The following PWWP3B variants were observed in gnomAD, a reference collection of about 807,000 sequenced individuals.
The protein encoded by PWWP3B is PWWP domain containing 3B.
PWWP3B carries 5 observed loss-of-function variants against 15.7 expected under a neutral mutation model. The observed-to-expected ratio is 0.32, with a 90% CI of 0.17 to 0.67. The LOEUF is 0.67. Among genes scored for constraint, PWWP3B ranks in the 30% least tolerant of loss-of-function variants. PWWP3B has a pLI of 0.74. For synonymous variants in PWWP3B, 203 were observed against 179.8 expected, an observed-to-expected ratio of 1.13 and a Z score of -1.03; for missense variants, 519 against 493.1, an observed-to-expected ratio of 1.05 and a Z score of -0.50.
intron 2 of PWWP3B, among the ~76,000 whole-genome samples, chrX:106,179,612 G>A (rs1286255785): frequency 9.0e-6 from 1 of 111,585 alleles, no homozygotes; most frequent in Non-Finnish European, 1.9e-5. Context: ...CTGAGAAACA[G>A]TGGAACCACA....
chrX:106,199,574 ACT>A (rs1923578934), intron 2 of PWWP3B, among the ~76,000 whole-genome samples: 1 of 110,203 alleles, frequency 9.1e-6, no homozygotes, highest in Non-Finnish European at 1.9e-5. Flanking sequence ...GGCTGCCTGA[ACT>A]CTCTATCATG....
chrX:106,198,367 C>G (rs1376141488), intron 2 of PWWP3B, among the ~76,000 whole-genome samples: 2 of 111,493 alleles, frequency 1.8e-5, no homozygotes, highest in East Asian at 5.7e-4. Context: ...TAAACACACC[C>G]TAGATGACCC....
At chrX:106,192,155 T>C (rs1234491632) in intron 2 of PWWP3B, among the ~76,000 whole-genome samples, 1 of 111,902 alleles carries the variant, frequency 8.9e-6, no homozygotes, top group Non-Finnish European at 1.9e-5. Flanking sequence ...AATTTGGCTG[T>C]GAATCCATCA....
chrX:106,207,379 T>G lies in PWWP3B; in HGVS notation c.1947T>G (p.Ile649Met), dbSNP rs1336338493. 8.5e-7 allele frequency: 1 copy of G among 1,176,542 alleles called. No homozygotes were observed. The highest frequency in any genetic ancestry group is 2.5e-5 in the Admixed American group (1 of 40,023). Reference protein sequence around the residue: ...VLLPEAIICSISAVDGLDYEA... With the variant: ...VLLPEAIICSMSAVDGLDYEA... ...TGCCAGAAGCAATTATTTGTTCAAT[T>G]TCTGCTGTTGATGGGTTAGATTACG... The change falls in exon 4 of 4, where the codon ATT becomes ATG. Residue 649 changes from isoleucine to methionine, a missense_variant. Transcript: ENST00000357175.
At chrX:106,179,849 C>T (rs1922095281) in intron 2 of PWWP3B, among the ~76,000 whole-genome samples, 1 of 112,091 alleles carries the variant, frequency 8.9e-6, no homozygotes, top group African/African-American at 3.2e-5. Context: ...GCCACAGATT[C>T]TAATGTTGGG....
At chrX:106,190,245 A>G (rs1256851711) in intron 2 of PWWP3B, among the ~76,000 whole-genome samples, 6 of 112,001 alleles carry the variant, frequency 5.4e-5, no homozygotes, top group Admixed American at 2.8e-4. Flanking sequence ...TCTAACTGGT[A>G]TGAGATGGTA....
intron 2 of PWWP3B, among the ~76,000 whole-genome samples, chrX:106,192,162 A>C (rs919373394): frequency 9.0e-6 from 1 of 111,603 alleles, no homozygotes; most frequent in Non-Finnish European, 1.9e-5. Context: ...CTGTGAATCC[A>C]TCAGGTCCTG....
intron 2 of PWWP3B, among the ~76,000 whole-genome samples, chrX:106,197,393 A>T (rs1424798107): frequency 7.2e-5 from 8 of 111,453 alleles, no homozygotes; most frequent in Non-Finnish European, 1.5e-4. Flanking sequence ...CACCAGAAGC[A>T]AGGGATTTTT....
At chrX:106,198,128 C>T (rs751704550) in intron 2 of PWWP3B, among the ~76,000 whole-genome samples, 4 of 111,507 alleles carry the variant, frequency 3.6e-5, no homozygotes, top group Non-Finnish European at 7.5e-5. Flanking sequence ...GTATAATACA[C>T]TATACTTGAC....
intron 2 of PWWP3B, among the ~76,000 whole-genome samples, chrX:106,194,759 A>G (rs1261360667): frequency 8.9e-6 from 1 of 111,996 alleles, no homozygotes; most frequent in Non-Finnish European, 1.9e-5. Context: ...TCCTTCTAAC[A>G]GACAGGACCC....
rs1232682590 is a variant in PWWP3B at position 106,206,715 on chromosome X, A to G, written c.1283A>G (p.Asn428Ser). ...RKASVLFVEA[N>S]MNSEKKGIRV... is the part of the protein sequence containing the mutation. Reference sequence around the variant, plus strand: ...GCAAGTGTGCTTTTTGTTGAGGCAAACATGAATTCTGAAAAGAAGGGCATT... The same window carrying G: ...GCAAGTGTGCTTTTTGTTGAGGCAAGCATGAATTCTGAAAAGAAGGGCATT... The change falls in exon 4 of 4, where the codon AAC becomes AGC. Residue 428 changes from asparagine to serine, a missense_variant. Physicochemically the swap from Asn to Ser is conservative, Grantham distance 46 (BLOSUM62 1). Transcript: ENST00000357175. The G allele has an allele frequency of 8.3e-7, 1 of 1,209,654 alleles. No homozygotes were observed. The highest frequency in any genetic ancestry group is 1.1e-6 in the Non-Finnish European group (1 of 894,616).
At chrX:106,179,061 G>T (rs375591692) in intron 2 of PWWP3B, among the ~76,000 whole-genome samples, 99 of 111,945 alleles carry the variant, frequency 8.8e-4, no homozygotes, top group African/African-American at 2.6e-3. Flanking sequence ...ACAAGATGGT[G>T]CTTGCAAGAT....
At chrX:106,182,482 A>G (rs1210875704) in intron 2 of PWWP3B, among the ~76,000 whole-genome samples, 1 of 111,391 alleles carries the variant, frequency 9.0e-6, no homozygotes, top group Non-Finnish European at 1.9e-5. Context: ...TAAGAAGAAT[A>G]TGTCTTAGCT....
chrX:106,187,678 T>C (rs1922601994), intron 2 of PWWP3B, among the ~76,000 whole-genome samples: 1 of 111,669 alleles, frequency 9.0e-6, no homozygotes, highest in South Asian at 3.8e-4. Context: ...GATTGAACTC[T>C]TTTTTTGCAG....
rs143667927 is a variant in PWWP3B, at chrX:106,186,963, G to A, written c.-401+15824G>A. On this transcript the variant is annotated intron_variant, in intron 2 of 3. Coordinates refer to ENST00000357175, the MANE Select transcript of PWWP3B (RefSeq NM_001171020.2). ...TGCATTTACAATCCTCTAGCTAGAC[G>A]CAGAGCGTTGATTGGTGCATTTACA... 4.5e-3 allele frequency among the ~76,000 whole-genome samples: 503 copies of A among 111,745 alleles called. 4 individuals carry two copies. The East Asian group carries it at 0.048, about 11-fold the overall frequency.
chrX:106,202,640 T>C (rs1274674680), intron 2 of PWWP3B, among the ~76,000 whole-genome samples: 2 of 112,070 alleles, frequency 1.8e-5, no homozygotes, highest in Non-Finnish European at 3.8e-5. Context: ...GAGCCATGTT[T>C]CTGTATCATC....
At chrX:106,175,040 CAA>C (rs61441273) in intron 2 of PWWP3B, among the ~76,000 whole-genome samples, 23 of 43,514 alleles carry the variant, frequency 5.3e-4, no homozygotes, top group Admixed American at 9.1e-4. Context: ...GACTCTGTCT[CAA>C]AAAAAAAAAA....
chrX:106,188,824 T>C (rs1922684492), intron 2 of PWWP3B, among the ~76,000 whole-genome samples: 1 of 112,607 alleles, frequency 8.9e-6, no homozygotes, highest in Non-Finnish European at 1.9e-5. Context: ...TATTCACCAA[T>C]GTTGTTGCAT....
At chrX:106,194,101 G>T (rs1923202751) in intron 2 of PWWP3B, among the ~76,000 whole-genome samples, 1 of 111,480 alleles carries the variant, frequency 9.0e-6, no homozygotes, top group Non-Finnish European at 1.9e-5. Context: ...TTGCTAGATT[G>T]GGGAAGTTCT....
Sources: gnomAD v4.1 joint callset for allele counts (sites outside exome capture counted in the v4.1 genomes callset) on GRCh38, gnomAD v4.1.1 for gene constraint, MANE v1.5 for transcripts, NCBI Gene and HGNC (gene_info 2026-07-23, HGNC 2026-07-21) for gene names.